Variants in LRP1 observed in about 807,000 individuals in gnomAD.
LRP1 encodes prolow-density lipoprotein receptor-related protein 1.
Under a neutral mutation model 541.5 loss-of-function variants are expected in LRP1, and 51 were observed. That is an observed-to-expected ratio of 0.09 (90% CI 0.08 to 0.12). The LOEUF (loss-of-function observed/expected upper bound fraction) is 0.12, where lower values mean the gene tolerates loss of function less well. Ranked by LOEUF, LRP1 falls within the 10% of genes least tolerant of loss-of-function variation. The probability of loss-of-function intolerance (pLI) is 1.00; values close to 1 mark genes in which losing one functional copy is unlikely to be tolerated. For synonymous variants in LRP1, 2,219 were observed against 2,470.8 expected (o/e 0.90, Z 3.02); for missense variants, 3,878 against 6,376.2 (o/e 0.61, Z 13.34).
chr12:57,174,335 G>GC (rs2036002352), intron 22 of LRP1, among the ~76,000 whole-genome samples: 1 of 152,180 alleles, frequency 6.6e-6, no homozygotes, highest in Non-Finnish European at 1.5e-5. Context: ...CAGACCCCTT[G>GC]CCCACATGCA....
At chr12:57,199,003 A>G (rs937515456) in intron 60 of LRP1, among the ~76,000 whole-genome samples, 4 of 152,212 alleles carry the variant, frequency 2.6e-5, no homozygotes, top group African/African-American at 7.2e-5. Context: ...CTGGCAGGGC[A>G]GGAACTTGCC....
chr12:57,148,719 T>C (rs1341876656), intron 6 of LRP1, among the ~76,000 whole-genome samples: 2 of 152,136 alleles, frequency 1.3e-5, no homozygotes, highest in East Asian at 1.9e-4. Context: ...AGGTTGTAAA[T>C]AGAGGCCTTG....
chr12:57,199,430 A>T, intron 61 of LRP1, 30 bp downstream of exon 61: 2 of 1,595,542 alleles, frequency 1.3e-6, no homozygotes, highest in Non-Finnish European at 1.7e-6. Context: ...GAGCAGGCGA[A>T]CGGTGAGCCA....
In LRP1 at chr12:57,166,200, A is replaced by T; in HGVS notation, c.2788A>T (p.Thr930Ser). Residue 930 changes from threonine to serine, a missense_variant, in exon 17 of 89, where the codon ACT becomes TCT. By Grantham distance (58) the Thr-to-Ser change is moderately conservative (BLOSUM62 1). Transcript: ENST00000243077. ...CGNSEDESNA[T>S]CSARTCPPNQ... ...GAACAGTGAAGATGAGTCCAATGCC[A>T]CTTGTTCAGGTGTGGAGCGGGGCTC... 1 of 1,609,712 alleles carries T rather than the reference A, an allele frequency of 6.2e-7. No individual in the cohort carries two copies.
At chr12:57,135,997 G>A (rs2035153421) in intron 1 of LRP1, among the ~76,000 whole-genome samples, 1 of 152,184 alleles carries the variant, frequency 6.6e-6, no homozygotes, top group Non-Finnish European at 1.5e-5. Flanking sequence ...GGTGGCACGG[G>A]GGTCTGTTTC....
At chr12:57,171,476 G>C (rs2035943384) in intron 20 of LRP1, among the ~76,000 whole-genome samples, 1 of 152,160 alleles carries the variant, frequency 6.6e-6, no homozygotes, top group African/African-American at 2.4e-5. Context: ...CGAGGGAAAG[G>C]CTCGTGCAGG....
intron 15 of LRP1, among the ~76,000 whole-genome samples, chr12:57,163,289 A>C (rs2035775030): frequency 6.6e-6 from 1 of 152,254 alleles, no homozygotes; most frequent in Admixed American, 6.5e-5. Flanking sequence ...GTATTTCTCC[A>C]TTACTAAAGT....
At chr12:57,155,134 G>A (rs1415870254) in intron 8 of LRP1, 4 of 356,244 alleles carry the variant, frequency 1.1e-5, no homozygotes, top group Non-Finnish European at 2.1e-5. Flanking sequence ...ATTAGTGTGA[G>A]CAACCAGCCC....
chr12:57,169,460 C>T (rs970595388), intron 20 of LRP1, among the ~76,000 whole-genome samples, 153 bp downstream of exon 20: 14 of 152,306 alleles, frequency 9.2e-5, no homozygotes, highest in African/African-American at 2.6e-4. Context: ...CAGGAGCTCC[C>T]GGTCCTGTGG....
intron 6 of LRP1, among the ~76,000 whole-genome samples, chr12:57,145,696 A>C (rs2035391946): frequency 6.6e-6 from 1 of 152,164 alleles, no homozygotes; most frequent in African/African-American, 2.4e-5. Flanking sequence ...AAGTGTCTGG[A>C]TGGCCCCTGC....
chr12:57,208,340 C>A, intron 77 of LRP1, 124 bp downstream of exon 77: 1 of 1,081,412 alleles, frequency 9.2e-7, no homozygotes, highest in Non-Finnish European at 1.3e-6. Flanking sequence ...GAGTCCTTTT[C>A]AGTCCCTTGG....
rs1259747043 is a variant in LRP1 at position 57,205,768 on chromosome 12, C to T, written c.11590+91C>T. The T allele has an allele frequency of 1.2e-5, 18 of 1,538,110 alleles. No individual in the cohort carries two copies. The highest frequency in any genetic ancestry group is 4.6e-5 in the East Asian group (2 of 43,818). ...CGACTTGGAATGGAATGTCTTCCTG[C>T]GGACATCTTGCCCAGACAAGAAGCC... is the stretch of plus-strand genomic sequence containing the variant. On this transcript the variant is annotated intron_variant, in intron 75 of 88. Coordinates refer to ENST00000243077, the MANE Select transcript of LRP1 (RefSeq NM_002332.3). This position sits in a 1 kb window ranked among gnomAD's most constrained non-coding sequence, Gnocchi z 4.6.
intron 24 of LRP1, among the ~76,000 whole-genome samples, chr12:57,176,352 C>T (rs1192917660): frequency 1.3e-5 from 2 of 152,256 alleles, no homozygotes; most frequent in Non-Finnish European, 2.9e-5. Flanking sequence ...TGGAGCTCTG[C>T]TCCCCAGATC....
chr12:57,155,378 T>G (rs1231190077), intron 8 of LRP1: 1 of 157,278 alleles, frequency 6.4e-6, no homozygotes, highest in Non-Finnish European at 1.4e-5. Flanking sequence ...CTAAAATCAC[T>G]AAAGTGTCTA....
At position 57,185,883 on chromosome 12, in the gene LRP1, C is replaced by T; in HGVS notation, c.6816C>T (p.Gly2272=). 6.2e-7 allele frequency: 1 copy of T among 1,613,820 alleles called. No homozygotes were observed. Among genetic ancestry groups the T allele is most frequent in the Non-Finnish European group, 8.5e-7 (1 of 1,179,804 alleles). The change falls in exon 41 of 89, where the codon GGC becomes GGT. Residue 2272 remains glycine, a synonymous_variant. Transcript: ENST00000243077. The surrounding 1 kb of genome is among the most constrained non-coding windows in gnomAD (Gnocchi z 4.9). The part of the protein sequence containing the change: ...FGNIQQINDD[G]SRRITIVENV... ...ACATCCAACAGATCAACGACGATGG[C>T]TCCAGGAGGATCACCATTGTGGAAA... is the stretch of plus-strand genomic sequence containing the variant.
rs371135526 is a variant in LRP1 at position 57,194,568 on chromosome 12, G to T, written c.8069-9G>T. ...TGAGCAGGGCCCTCACACCTGCCTCGCCCCCCAGGTGTGAAACGCCCCAGA... is the reference window on the plus strand; with the variant it reads ...TGAGCAGGGCCCTCACACCTGCCTCTCCCCCCAGGTGTGAAACGCCCCAGA... On this transcript the variant is annotated splice_polypyrimidine_tract_variant and intron_variant, in intron 49 of 88. Coordinates refer to ENST00000243077, the MANE Select transcript of LRP1 (RefSeq NM_002332.3). 6 of 1,612,402 alleles carry T rather than the reference G, an allele frequency of 3.7e-6. No homozygotes were observed. The highest frequency in any genetic ancestry group is 5.1e-6 in the Non-Finnish European group (6 of 1,179,812).
intron 44 of LRP1, 108 bp downstream of exon 44, chr12:57,191,620 C>G (rs921768321): frequency 1.1e-6 from 1 of 928,612 alleles, no homozygotes; most frequent in South Asian, 1.6e-5. Flanking sequence ...CCTACACATA[C>G]CACACACACA....
chr12:57,178,410 G>C lies in LRP1; in HGVS notation c.4413G>C (p.Val1471=), dbSNP rs376951821. The C allele has an allele frequency of 1.6e-5, 26 of 1,614,112 alleles. No homozygotes were observed. In the Middle Eastern group the frequency reaches 6.6e-4, roughly 41 times the overall value. ...ARYDGSGHME[V]LRGHEFLSHP... is the part of the protein sequence containing the mutation. ...ACGACGGCTCTGGCCACATGGAGGT[G>C]CTTCGGGGACACGAGTTCCTGTCGC... is the stretch of plus-strand genomic sequence containing the variant. The change falls in exon 27 of 89, where the codon GTG becomes GTC. Residue 1471 remains valine, a synonymous_variant. Transcript: ENST00000243077. This position sits in a 1 kb window ranked among gnomAD's most constrained non-coding sequence, Gnocchi z 5.8.
Position 57,180,660 on chromosome 12 carries a change from G to C in LRP1, c.5387-7G>C. 6.2e-7 allele frequency: 1 copy of C among 1,613,968 alleles called. No homozygotes were observed. Among genetic ancestry groups the C allele is most frequent in the Non-Finnish European group, 8.5e-7 (1 of 1,179,848 alleles). On this transcript the variant is annotated splice_polypyrimidine_tract_variant and splice_region_variant and intron_variant, in intron 32 of 88. Transcript: ENST00000243077. ...CCCAAGGGTCTCATCCCCTCCTGCT[G>C]CCCCAGGGGACAAGCTGTGGTGGGC...
Sources: gnomAD v4.1 joint callset for allele counts (sites outside exome capture counted in the v4.1 genomes callset) on GRCh38, gnomAD v4.1.1 for gene constraint, Gnocchi (gnomAD v3.1) non-coding constraint, MANE v1.5 for transcripts, NCBI Gene and HGNC (gene_info 2026-07-23, HGNC 2026-07-21) for gene names.